Variants in CNTNAP2 observed in about 807,000 individuals in gnomAD.
The protein encoded by CNTNAP2 is contactin-associated protein-like 2.
A neutral mutation model predicts 155.2 loss-of-function variants in CNTNAP2; 98 were observed. That is an observed-to-expected ratio of 0.63 (90% CI 0.54 to 0.75). The LOEUF is 0.75. Ranked by LOEUF, CNTNAP2 falls within the 30% of genes least tolerant of loss-of-function variation. The pLI is 0.00. For synonymous variants in CNTNAP2, 651 were observed against 631.2 expected (o/e 1.03, Z -0.47); for missense variants, 1,727 against 1,688.1 (o/e 1.02, Z -0.40).
At chr7:146,470,106 TG>T (rs1267978908) in intron 1 of CNTNAP2, among the ~76,000 whole-genome samples, 1 of 152,176 alleles carries the variant, frequency 6.6e-6, no homozygotes, top group Non-Finnish European at 1.5e-5. Context: ...CCCAAAGTGC[TG>T]GGATTACAGG....
At chr7:147,421,730 T>C (rs1797294470) in intron 10 of CNTNAP2, among the ~76,000 whole-genome samples, 1 of 151,802 alleles carries the variant, frequency 6.6e-6, no homozygotes, top group Non-Finnish European at 1.5e-5. Flanking sequence ...TGGTAGGAGG[T>C]GTTTGGGTCA....
In CNTNAP2 at chr7:146,641,320, C is replaced by T. The variant is rs183198936; in HGVS notation, c.98-132951C>T. ...CAGCCTGAGGAACAGAGCGAGACTC[C>T]GTCTCAAAAAAATAAATAAAAATAC... is the stretch of plus-strand genomic sequence containing the variant. On this transcript the variant is annotated intron_variant, in intron 1 of 23. Coordinates refer to ENST00000361727, the MANE Select transcript of CNTNAP2 (RefSeq NM_014141.6). 4.0e-3 allele frequency among the ~76,000 whole-genome samples: 612 copies of T among 151,954 alleles called. 6 individuals carry two copies. The highest frequency in any genetic ancestry group is 0.014 in the African/African-American group (587 of 41,456).
At chr7:147,196,794 A>C (rs568038929) in intron 8 of CNTNAP2, among the ~76,000 whole-genome samples, 129 of 152,318 alleles carry the variant, frequency 8.5e-4, no homozygotes, top group Non-Finnish European at 1.3e-3. Context: ...AATGACGCGA[A>C]AAATATACAG....
chr7:146,316,758 AT>A (rs112549607), intron 1 of CNTNAP2, among the ~76,000 whole-genome samples: 4,422 of 145,368 alleles, frequency 0.03, 100 homozygotes, highest in African/African-American at 0.071. Flanking sequence ...AGGTTTTTTA[AT>A]TTTTTTTTTT....
chr7:146,904,167 C>G (rs1267592552), intron 3 of CNTNAP2, among the ~76,000 whole-genome samples: 1 of 152,130 alleles, frequency 6.6e-6, no homozygotes, highest in African/African-American at 2.4e-5. Context: ...GCCACCCTGC[C>G]TCTAACTTAC....
At chr7:147,230,357 A>C (rs1803651434) in intron 8 of CNTNAP2, among the ~76,000 whole-genome samples, 1 of 152,118 alleles carries the variant, frequency 6.6e-6, no homozygotes, top group Non-Finnish European at 1.5e-5. Flanking sequence ...TCCTGGGTTC[A>C]AGCAATTCTC....
intron 3 of CNTNAP2, among the ~76,000 whole-genome samples, chr7:147,038,614 C>G (rs1307586366): frequency 1.3e-5 from 2 of 152,106 alleles, no homozygotes; most frequent in East Asian, 3.9e-4. Flanking sequence ...TGTTTGTTTT[C>G]TTTTCACTCA....
At chr7:146,209,172 A>G (rs952331214) in intron 1 of CNTNAP2, among the ~76,000 whole-genome samples, 10 of 152,214 alleles carry the variant, frequency 6.6e-5, no homozygotes, top group African/African-American at 2.4e-4. Flanking sequence ...CTAATCTTAA[A>G]ATCCAAGTAG....
chr7:146,339,991 A>G (rs1456660982), intron 1 of CNTNAP2, among the ~76,000 whole-genome samples: 4 of 151,964 alleles, frequency 2.6e-5, no homozygotes, highest in Non-Finnish European at 4.4e-5. Context: ...AACACGGTGA[A>G]ACCCCGTCTC....
At chr7:147,007,622 GA>G (rs1370689374) in intron 3 of CNTNAP2, among the ~76,000 whole-genome samples, 1 of 151,666 alleles carries the variant, frequency 6.6e-6, no homozygotes. Flanking sequence ...GTGTAAGTAA[GA>G]AAAAAGCCAC....
chr7:146,641,224 G>A (rs1194523906), intron 1 of CNTNAP2, among the ~76,000 whole-genome samples: 2 of 152,210 alleles, frequency 1.3e-5, no homozygotes, highest in Non-Finnish European at 2.9e-5. Flanking sequence ...CTACTTGGGA[G>A]GCTGAGGCAG....
Position 146,665,783 on chromosome 7 carries a change from T to TAAAAAA in CNTNAP2, c.98-108478_98-108473dup, listed in dbSNP as rs750837961. ...GCTATGGAGTGAGACTCTGTCTCATTAAAAAAAAAAAAAAATACATTTTGT... is the reference window on the plus strand; with the variant it reads ...GCTATGGAGTGAGACTCTGTCTCATTAAAAAAAAAAAAAAAAAAAAATACATTTTGT... On this transcript the variant is annotated intron_variant, in intron 1 of 23. Transcript: ENST00000361727. 8.4e-3 allele frequency among the ~76,000 whole-genome samples: 405 copies of TAAAAAA among 48,274 alleles called. 52 individuals are homozygous for TAAAAAA. Among genetic ancestry groups the TAAAAAA allele is most frequent in the African/African-American group, 0.038 (338 of 8,822 alleles). The allele number at this position is 48,274 out of a possible 152,430, so 31.7% of individuals were successfully genotyped here. A position where few individuals can be genotyped will look rare whatever the true frequency, so the allele number is the denominator to read the frequency against.
At chr7:146,526,336 A>C (rs974018639) in intron 1 of CNTNAP2, among the ~76,000 whole-genome samples, 2 of 152,210 alleles carry the variant, frequency 1.3e-5, no homozygotes, top group Admixed American at 1.3e-4. Flanking sequence ...TTTAATTTGC[A>C]CACAGTTCTT....
At chr7:147,174,963 A>C (rs940026469) in intron 8 of CNTNAP2, among the ~76,000 whole-genome samples, 12 of 152,158 alleles carry the variant, frequency 7.9e-5, no homozygotes, top group African/African-American at 2.9e-4. Context: ...AATACTATTT[A>C]CATCAACCAT....
chr7:147,255,559 T>G (rs533194267), intron 8 of CNTNAP2, among the ~76,000 whole-genome samples: 1 of 152,278 alleles, frequency 6.6e-6, no homozygotes, highest in Non-Finnish European at 1.5e-5. Flanking sequence ...ACTATGTATT[T>G]TAAAGTCAAT....
chr7:147,650,662 G>T (rs1302163344), intron 13 of CNTNAP2, among the ~76,000 whole-genome samples: 1 of 151,902 alleles, frequency 6.6e-6, no homozygotes, highest in African/African-American at 2.4e-5. Context: ...GTGTTAATTG[G>T]CTGTTTATGT....
chr7:146,575,085 C>T (rs1051403064), intron 1 of CNTNAP2, among the ~76,000 whole-genome samples: 5 of 152,166 alleles, frequency 3.3e-5, no homozygotes, highest in Non-Finnish European at 1.5e-5. Flanking sequence ...TTAGCCTATA[C>T]AATAACTGTT....
chr7:147,311,474 C>G (rs1434178059), intron 9 of CNTNAP2, among the ~76,000 whole-genome samples: 1 of 152,112 alleles, frequency 6.6e-6, no homozygotes, highest in Non-Finnish European at 1.5e-5. Context: ...GGCTCTCTTA[C>G]TCCTGCTGTG....
intron 13 of CNTNAP2, among the ~76,000 whole-genome samples, chr7:147,860,589 CAA>C (rs11342244): frequency 8.0e-5 from 10 of 124,372 alleles, no homozygotes; most frequent in Non-Finnish European, 6.8e-5. Flanking sequence ...GACTCTGTCT[CAA>C]AAAAAAAAAA....
Sources: gnomAD v4.1 joint callset for allele counts (sites outside exome capture counted in the v4.1 genomes callset) on GRCh38, gnomAD v4.1.1 for gene constraint, MANE v1.5 for transcripts, NCBI Gene and HGNC (gene_info 2026-07-23, HGNC 2026-07-21) for gene names.